TRPC1: variants seen among roughly 807,000 people sequenced by gnomAD.
TRPC1 encodes the protein transient receptor potential cation channel subfamily C member 1, also known as short transient receptor potential channel 1.
A neutral mutation model predicts 88.2 loss-of-function variants in TRPC1; 42 were observed. The ratio of observed to expected loss-of-function variants is 0.48; its 90% CI spans 0.37 to 0.62. The LOEUF is 0.62. TRPC1 is among the 20% of genes least tolerant of loss of function. TRPC1 has a pLI of 0.00. For synonymous variants in TRPC1, 288 were observed against 331.8 expected, an observed-to-expected ratio of 0.87 and a Z score of 1.43; for missense variants, 699 against 957.3, an observed-to-expected ratio of 0.73 and a Z score of 3.56.
At chr3:142,804,686 A>C in intron 12 of TRPC1, 56 bp downstream of exon 12, 53 of 1,500,488 alleles carry the variant, frequency 3.5e-5, no homozygotes, top group Non-Finnish European at 4.4e-5. Flanking sequence ...TCCTAATCTC[A>C]GATATTTCTT....
intron 10 of TRPC1, among the ~76,000 whole-genome samples, chr3:142,803,121 TG>T (rs1936674301): frequency 6.6e-6 from 1 of 152,194 alleles, no homozygotes; most frequent in South Asian, 2.1e-4. Context: ...ATATTCAGTA[TG>T]TTACACAGTG....
In TRPC1 at chr3:142,767,912, T is replaced by G. The variant is rs1163860169; in HGVS notation, c.633-9720T>G. Among the ~76,000 whole-genome samples the G allele has an allele frequency of 7.1e-5, 5 of 70,018 alleles. No homozygotes were observed. The highest frequency in any genetic ancestry group is 9.6e-5 in the Non-Finnish European group (4 of 41,540). 45.9% of individuals were successfully genotyped at this position (70,018 alleles called of 152,430 possible). ...TTTATTGATGAATTGTGTGTGTATG[T>G]TTTTTTTTTAACTTTTCTGATGGTA... On this transcript the variant is annotated intron_variant, in intron 4 of 12. Transcript: ENST00000476941. The surrounding 1 kb of genome is among the most constrained non-coding windows in gnomAD (Gnocchi z 5.1).
At chr3:142,743,203 A>G (rs1036785479) in intron 2 of TRPC1, among the ~76,000 whole-genome samples, 2 of 152,130 alleles carry the variant, frequency 1.3e-5, no homozygotes, top group Admixed American at 6.5e-5. Context: ...TAAATCCTGC[A>G]TGGATCAGCA....
intron 7 of TRPC1, among the ~76,000 whole-genome samples, chr3:142,789,608 T>A (rs2108136512): frequency 6.6e-6 from 1 of 152,318 alleles, no homozygotes. Flanking sequence ...TAATTTGATC[T>A]CCACCCATGT....
intron 3 of TRPC1, 135 bp from the exon 4 acceptor site, chr3:142,748,123 C>A: frequency 4.8e-6 from 4 of 841,036 alleles, no homozygotes; most frequent in South Asian, 4.1e-5. Context: ...TTAGTCCAAG[C>A]AAAATGTTTA....
At chr3:142,791,394 A>G (rs1936292919) in intron 8 of TRPC1, among the ~76,000 whole-genome samples, 1 of 152,092 alleles carries the variant, frequency 6.6e-6, no homozygotes, top group Non-Finnish European at 1.5e-5. Flanking sequence ...CATTTGGTAT[A>G]CTTTATCTCT....
rs545253872 is a variant in TRPC1 at position 142,782,255 on chromosome 3, G to A, written c.960+1226G>A. 1.4e-4 allele frequency among the ~76,000 whole-genome samples: 21 copies of A among 152,214 alleles called. No individual in the cohort carries two copies. The South Asian group carries it at 3.9e-3, about 29-fold the overall frequency. The stretch of plus-strand genomic sequence containing the variant: ...GAGTGGAGTCCAAATGGAACCAAAT[G>A]TACCATTCTAAAGAAGATGAAAGAA... On this transcript the variant is annotated intron_variant, in intron 6 of 12. Coordinates refer to ENST00000476941, the MANE Select transcript of TRPC1 (RefSeq NM_001251845.2).
intron 4 of TRPC1, among the ~76,000 whole-genome samples, chr3:142,761,998 C>CA (rs1245558714): frequency 6.6e-6 from 1 of 151,696 alleles, no homozygotes; most frequent in Admixed American, 6.6e-5. Flanking sequence ...TTTATCTTTT[C>CA]AAAAAATCAG....
chr3:142,789,432 GT>G (rs1260446984), intron 7 of TRPC1, among the ~76,000 whole-genome samples: 1 of 152,138 alleles, frequency 6.6e-6, no homozygotes, highest in Non-Finnish European at 1.5e-5. Flanking sequence ...TGTTAAAAAT[GT>G]TTTTCCTGTC....
chr3:142,802,690 G>A (rs1287122297), intron 10 of TRPC1, among the ~76,000 whole-genome samples: 4 of 152,136 alleles, frequency 2.6e-5, no homozygotes, highest in Non-Finnish European at 4.4e-5. Context: ...TTAAATGTCA[G>A]TAGCAACTCT....
At chr3:142,760,071 C>A (rs976913878) in intron 4 of TRPC1, among the ~76,000 whole-genome samples, 2 of 152,026 alleles carry the variant, frequency 1.3e-5, no homozygotes, top group Non-Finnish European at 2.9e-5. Flanking sequence ...CATGATCCAC[C>A]CACCTCGGCC....
At chr3:142,797,455 A>G (rs766218163) in intron 9 of TRPC1, among the ~76,000 whole-genome samples, 1 of 152,126 alleles carries the variant, frequency 6.6e-6, no homozygotes, top group Non-Finnish European at 1.5e-5. Flanking sequence ...AGCAAATCAG[A>G]CCAAAGGAGG....
At chr3:142,743,315 C>T (rs946200743) in intron 2 of TRPC1, among the ~76,000 whole-genome samples, 170 bp from the exon 3 acceptor site, 1 of 152,072 alleles carries the variant, frequency 6.6e-6, no homozygotes, top group African/African-American at 2.4e-5. Flanking sequence ...CAGAAGTACT[C>T]CTAAGGCAAG....
At chr3:142,750,595 A>G (rs1343131913) in intron 4 of TRPC1, among the ~76,000 whole-genome samples, 2 of 152,176 alleles carry the variant, frequency 1.3e-5, no homozygotes, top group East Asian at 1.9e-4. Context: ...AAATCATTTT[A>G]CTATAAAGAC....
chr3:142,800,587 A>G (rs1338009353), intron 9 of TRPC1, among the ~76,000 whole-genome samples: 1 of 152,110 alleles, frequency 6.6e-6, no homozygotes, highest in African/African-American at 2.4e-5. Context: ...GTTAAATTTG[A>G]GGAAGGGTTG....
chr3:142,798,915 G>C (rs1319023130), intron 9 of TRPC1, among the ~76,000 whole-genome samples: 3 of 152,250 alleles, frequency 2.0e-5, no homozygotes, highest in East Asian at 3.9e-4. Flanking sequence ...GATTTAGGTT[G>C]TTTTTGTTGT....
In TRPC1 at chr3:142,767,585, TATTATA is replaced by T. The variant is rs1351621080; in HGVS notation, c.633-10046_633-10041del. ...GTTAAGATATCTTTATATATAAATA[TATTATA>T]TATAAATAAATTATATATCTTTATA... On this transcript the variant is annotated intron_variant, in intron 4 of 12. Coordinates refer to ENST00000476941, the MANE Select transcript of TRPC1 (RefSeq NM_001251845.2). The surrounding 1 kb of genome is among the most constrained non-coding windows in gnomAD (Gnocchi z 5.1). 2.0e-5 allele frequency among the ~76,000 whole-genome samples: 3 copies of T among 147,996 alleles called. No individual in the cohort carries two copies. The Admixed American group carries it at 2.0e-4, about 10-fold the overall frequency.
chr3:142,747,468 T>G (rs1054468157), intron 3 of TRPC1, among the ~76,000 whole-genome samples: 2 of 152,210 alleles, frequency 1.3e-5, no homozygotes, highest in East Asian at 3.8e-4. Flanking sequence ...CATGGACTCC[T>G]GTAGTGGAAG....
At chr3:142,801,948 C>T (rs923500381) in intron 9 of TRPC1, among the ~76,000 whole-genome samples, 9 of 152,064 alleles carry the variant, frequency 5.9e-5, no homozygotes, top group South Asian at 2.1e-4. Flanking sequence ...GTTCTAGGAA[C>T]GTGCCATCTA....
Sources: gnomAD v4.1 joint callset for allele counts (sites outside exome capture counted in the v4.1 genomes callset) on GRCh38, gnomAD v4.1.1 for gene constraint, Gnocchi (gnomAD v3.1) non-coding constraint, MANE v1.5 for transcripts, NCBI Gene and HGNC (gene_info 2026-07-23, HGNC 2026-07-21) for gene names.